Variants in NEGR1 observed in about 807,000 individuals in gnomAD.
NEGR1 encodes the protein neuronal growth regulator 1.
NEGR1 carries 10 observed loss-of-function variants against 40.9 expected under a neutral mutation model. The ratio of observed to expected loss-of-function variants is 0.24; its 90% CI spans 0.15 to 0.42. The LOEUF (loss-of-function observed/expected upper bound fraction) is 0.42. Ranked by LOEUF, NEGR1 falls within the 10% of genes least tolerant of loss-of-function variation. The pLI is 1.00. For missense variants in NEGR1, 352 were observed against 438.9 expected (o/e 0.80, Z 1.77); for synonymous variants, 185 against 166.8 (o/e 1.11, Z -0.84).
intron 6 of NEGR1, among the ~76,000 whole-genome samples, chr1:71,504,750 G>A (rs1647021467): frequency 6.6e-6 from 1 of 152,166 alleles, no homozygotes; most frequent in African/African-American, 2.4e-5. Flanking sequence ...CGAGGTAAAA[G>A]GGGAGGGATT....
intron 1 of NEGR1, among the ~76,000 whole-genome samples, chr1:72,272,394 C>A (rs1655874259): frequency 1.3e-5 from 2 of 151,760 alleles, no homozygotes; most frequent in South Asian, 4.1e-4. Flanking sequence ...TTTGAAAATA[C>A]TTTCAAATCA....
chr1:72,206,976 C>A (rs187366416), intron 1 of NEGR1, among the ~76,000 whole-genome samples: 1 of 149,816 alleles, frequency 6.7e-6, no homozygotes, highest in Non-Finnish European at 1.5e-5. Context: ...AGAAGGGGTA[C>A]TTTTTGAAAG....
chr1:71,980,986 T>C (rs1329043991), intron 1 of NEGR1, among the ~76,000 whole-genome samples: 1 of 152,146 alleles, frequency 6.6e-6, no homozygotes, highest in Admixed American at 6.6e-5. Flanking sequence ...CAGTTATGTT[T>C]CTTTCTTCTG....
chr1:71,765,049 G>A (rs766201140), intron 3 of NEGR1, among the ~76,000 whole-genome samples: 13 of 152,128 alleles, frequency 8.5e-5, no homozygotes, highest in Non-Finnish European at 1.3e-4. Flanking sequence ...CATGGTCACC[G>A]GTGGTCGGCT....
intron 2 of NEGR1, among the ~76,000 whole-genome samples, chr1:71,820,665 A>C (rs1658398735): frequency 6.6e-6 from 1 of 151,960 alleles, no homozygotes; most frequent in Admixed American, 6.6e-5. Flanking sequence ...ACAATCAAGA[A>C]TGACACTTGG....
At chr1:71,685,738 A>G (rs746492359) in intron 4 of NEGR1, among the ~76,000 whole-genome samples, 36 of 152,162 alleles carry the variant, frequency 2.4e-4, no homozygotes, top group Non-Finnish European at 5.1e-4. Context: ...CCATTCTTCT[A>G]TTCACCTAAA....
chr1:71,611,763 T>C (rs1333890083), intron 4 of NEGR1, among the ~76,000 whole-genome samples: 3 of 152,164 alleles, frequency 2.0e-5, no homozygotes, highest in African/African-American at 4.8e-5. Flanking sequence ...TTTAATGTAG[T>C]TTCTTCTGCC....
intron 6 of NEGR1, among the ~76,000 whole-genome samples, chr1:71,477,680 A>G (rs966227726): frequency 2.0e-5 from 3 of 152,060 alleles, no homozygotes; most frequent in East Asian, 3.9e-4. Context: ...GGGGTGCTTT[A>G]AAGAAAGAGT....
At chr1:71,730,067 T>G (rs1464242955) in intron 3 of NEGR1, among the ~76,000 whole-genome samples, 1 of 152,090 alleles carries the variant, frequency 6.6e-6, no homozygotes, top group Non-Finnish European at 1.5e-5. Flanking sequence ...AAGATTAATT[T>G]GGTGACAGAT....
At chr1:71,675,142 A>ATATATATATATAT (rs1652582384) in intron 4 of NEGR1, among the ~76,000 whole-genome samples, 1 of 7,342 alleles carries the variant, frequency 1.4e-4, no homozygotes, top group South Asian at 5.5e-3. Context: ...CACACATATG[A>ATATATATATATAT]ATTCTTAGAA....
At chr1:71,665,028 T>C (rs1047921555) in intron 4 of NEGR1, among the ~76,000 whole-genome samples, 1 of 152,174 alleles carries the variant, frequency 6.6e-6, no homozygotes, top group African/African-American at 2.4e-5. Context: ...GTCAAAAGGT[T>C]AGGTCAGCAA....
At chr1:71,510,292 C>A (rs1240543691) in intron 6 of NEGR1, among the ~76,000 whole-genome samples, 1 of 152,084 alleles carries the variant, frequency 6.6e-6, no homozygotes, top group East Asian at 1.9e-4. Context: ...CTATTAAAAA[C>A]CAAATTAAAC....
At chr1:72,226,040 T>C (rs1268585280) in intron 1 of NEGR1, among the ~76,000 whole-genome samples, 2 of 151,778 alleles carry the variant, frequency 1.3e-5, no homozygotes, top group Non-Finnish European at 3.0e-5. Flanking sequence ...AAATTTATGG[T>C]TTAAATGCAC....
chr1:71,698,439 G>A (rs1209666232), intron 3 of NEGR1, among the ~76,000 whole-genome samples: 3 of 151,726 alleles, frequency 2.0e-5, no homozygotes, highest in Non-Finnish European at 4.4e-5. Context: ...TTCTGTAATT[G>A]AGTTCAACAA....
chr1:71,942,944 C>T (rs948260016), intron 1 of NEGR1, among the ~76,000 whole-genome samples: 1 of 138,496 alleles, frequency 7.2e-6, no homozygotes, highest in Non-Finnish European at 1.6e-5. Flanking sequence ...AGTCACCATG[C>T]CTGGCCCTAA....
At chr1:71,575,153 CT>C (rs1240843311) in intron 6 of NEGR1, among the ~76,000 whole-genome samples, 1 of 152,180 alleles carries the variant, frequency 6.6e-6, no homozygotes, top group Non-Finnish European at 1.5e-5. Context: ...ATACATATCT[CT>C]GCTAAGGGAG....
chr1:72,063,292 T>C (rs1284940942), intron 1 of NEGR1, among the ~76,000 whole-genome samples: 3 of 151,900 alleles, frequency 2.0e-5, no homozygotes, highest in African/African-American at 7.2e-5. Context: ...GTTCAGATAA[T>C]ATAATTGACT....
chr1:71,980,269 TAAAAC>T (rs1412152308), intron 1 of NEGR1, among the ~76,000 whole-genome samples: 1 of 152,056 alleles, frequency 6.6e-6, no homozygotes, highest in African/African-American at 2.4e-5. Context: ...AATCTAAAAA[TAAAAC>T]AAAGAAAAAA....
chr1:72,172,016 T>A (rs1414614765), intron 1 of NEGR1, among the ~76,000 whole-genome samples: 1 of 152,082 alleles, frequency 6.6e-6, no homozygotes. Context: ...AATTTTAAAG[T>A]AAAGTTGTCT....
Sources: gnomAD v4.1 joint callset for allele counts (sites outside exome capture counted in the v4.1 genomes callset) on GRCh38, gnomAD v4.1.1 for gene constraint, MANE v1.5 for transcripts, NCBI Gene and HGNC (gene_info 2026-07-23, HGNC 2026-07-21) for gene names.